The following SLC23A2 variants were observed in gnomAD, a reference collection of about 807,000 sequenced individuals.
The protein encoded by SLC23A2 is solute carrier family 23 member 2, also known as Na(+)/L-ascorbic acid transporter 2.
A neutral mutation model predicts 73.3 loss-of-function variants in SLC23A2; 36 were observed. That is an observed-to-expected ratio of 0.49 (90% CI 0.38 to 0.65). The LOEUF (loss-of-function observed/expected upper bound fraction) is 0.65. Ranked by LOEUF, SLC23A2 falls within the 30% of genes least tolerant of loss-of-function variation. The pLI is 0.00. For missense variants in SLC23A2, 507 were observed against 841.6 expected (o/e 0.60, Z 4.92); for synonymous variants, 343 against 327.3 (o/e 1.05, Z -0.52).
At chr20:4,993,658 A>G (rs1048746560) in intron 1 of SLC23A2, among the ~76,000 whole-genome samples, 6 of 152,206 alleles carry the variant, frequency 3.9e-5, no homozygotes, top group Non-Finnish European at 5.9e-5. Flanking sequence ...GAGACTTAAA[A>G]GAAGTGTCAT....
At position 4,857,284 on chromosome 20, in the gene SLC23A2, AC is replaced by A; in HGVS notation, c.1721-81del. On this transcript the variant is annotated intron_variant, in intron 16 of 16. Coordinates refer to ENST00000338244, the MANE Select transcript of SLC23A2 (RefSeq NM_005116.6). This position sits in a 1 kb window ranked among gnomAD's most constrained non-coding sequence, Gnocchi z 4.0. The stretch of plus-strand genomic sequence containing the variant: ...AAAATGAAACTGTCGTCAAACACAT[AC>A]ACACACACACACACACACACACACA... 2.9e-5 allele frequency: 1 copy of A among 34,490 alleles called. No individual in the cohort carries two copies. The highest frequency in any genetic ancestry group is 5.5e-5 in the Non-Finnish European group (1 of 18,064). The allele number at this position is 34,490 out of a possible 1,614,324, so 2.1% of individuals were successfully genotyped here.
rs1291627371 is a variant in SLC23A2 at position 4,947,257 on chromosome 20, AG to A, written c.-154-14542del. ...ACTTGGGGAAATCCCTGACTCGTTC[AG>A]GGAAATCTTGTGGCTGGGACGTGAA... is the stretch of plus-strand genomic sequence containing the variant. On this transcript the variant is annotated intron_variant, in intron 2 of 16. Transcript: ENST00000338244. This position sits in a 1 kb window ranked among gnomAD's most constrained non-coding sequence, Gnocchi z 4.4. 6.6e-6 allele frequency among the ~76,000 whole-genome samples: 1 copy of A among 152,228 alleles called. No homozygotes were observed. The highest frequency in any genetic ancestry group is 2.4e-5 in the African/African-American group (1 of 41,466).
chr20:4,975,989 G>T (rs557471577), intron 1 of SLC23A2, among the ~76,000 whole-genome samples: 13 of 151,814 alleles, frequency 8.6e-5, no homozygotes, highest in Admixed American at 2.0e-4. Flanking sequence ...GAGTAGCTGG[G>T]ATTACGGGCA....
chr20:4,933,210 C>T lies in SLC23A2; in HGVS notation c.-154-494G>A, dbSNP rs188505528. Among the ~76,000 whole-genome samples the T allele has an allele frequency of 7.1e-4, 107 of 150,592 alleles. 1 individual carries two copies. In the East Asian group the frequency reaches 0.018, roughly 25 times the overall value. The stretch of plus-strand genomic sequence containing the variant: ...CTTGTGGCTACTATACTGGGCAATG[C>T]GGATACAGCCAATTAATCATGATTA... On this transcript the variant is annotated intron_variant, in intron 2 of 16. Coordinates refer to ENST00000338244, the MANE Select transcript of SLC23A2 (RefSeq NM_005116.6).
chr20:4,967,284 TG>T (rs1398032832), intron 2 of SLC23A2, among the ~76,000 whole-genome samples: 14 of 152,220 alleles, frequency 9.2e-5, no homozygotes, highest in Non-Finnish European at 5.9e-5. Context: ...AATTTATTGA[TG>T]AGTTTTTTTT....
chr20:4,922,720 T>C (rs1932536524), intron 3 of SLC23A2, among the ~76,000 whole-genome samples: 1 of 151,946 alleles, frequency 6.6e-6, no homozygotes, highest in Non-Finnish European at 1.5e-5. Context: ...CCCAGCTAGC[T>C]ACTTGGGAGG....
intron 3 of SLC23A2, among the ~76,000 whole-genome samples, chr20:4,930,190 G>A (rs575069614): frequency 5.9e-5 from 9 of 152,244 alleles, no homozygotes; most frequent in African/African-American, 1.7e-4. Flanking sequence ...AAAGTGAAGG[G>A]AAGTGAGAGT....
intron 1 of SLC23A2, among the ~76,000 whole-genome samples, chr20:4,980,531 T>C (rs559583386): frequency 1.7e-4 from 26 of 151,980 alleles, no homozygotes; most frequent in African/African-American, 5.3e-4. Context: ...ACTTTCTTTT[T>C]CTTTTCTTTT....
At chr20:5,008,714 T>A (rs537421245) in intron 1 of SLC23A2, among the ~76,000 whole-genome samples, 67 of 152,024 alleles carry the variant, frequency 4.4e-4, no homozygotes, top group Admixed American at 9.2e-4. Context: ...CCTTTGGGTG[T>A]CCTCCATATT....
chr20:4,998,837 C>T lies in SLC23A2; in HGVS notation c.-282+2569G>A, dbSNP rs185954899. 1.1e-4 allele frequency among the ~76,000 whole-genome samples: 16 copies of T among 146,266 alleles called. 1 individual carries two copies. In the East Asian group the frequency reaches 3.2e-3, roughly 29 times the overall value. On this transcript the variant is annotated intron_variant, in intron 1 of 16. Coordinates refer to ENST00000338244, the MANE Select transcript of SLC23A2 (RefSeq NM_005116.6). The surrounding 1 kb of genome is among the most constrained non-coding windows in gnomAD (Gnocchi z 4.1). ...TTTTTTTTTTTAGGAGACAGTCTCA[C>T]TCTGTCACCCAGGCTGGAGTGCAGT...
rs373964078 is a variant in SLC23A2 at position 4,899,760 on chromosome 20, T to C, written c.325-48A>G. 9 of 1,566,484 alleles carry C rather than the reference T, an allele frequency of 5.7e-6. No homozygotes were observed. In the African/African-American group the frequency reaches 9.5e-5, roughly 16 times the overall value. ...AGGAGAAACAGTAAACCCTTCCTCA[T>C]TTATTCTTGATTTCATCCTAATTCT... On this transcript the variant is annotated intron_variant, in intron 5 of 16. Coordinates refer to ENST00000338244, the MANE Select transcript of SLC23A2 (RefSeq NM_005116.6). The surrounding 1 kb of genome is among the most constrained non-coding windows in gnomAD (Gnocchi z 4.9).
upstream of SLC23A2, among the ~76,000 whole-genome samples, chr20:5,003,377 C>G (rs1389240886): frequency 6.6e-6 from 1 of 152,124 alleles, no homozygotes; most frequent in Non-Finnish European, 1.5e-5. Flanking sequence ...GAGCAAGACT[C>G]CGTCTCAAAA....
chr20:4,858,497 C>A (rs1223760817), intron 16 of SLC23A2, among the ~76,000 whole-genome samples: 5 of 152,032 alleles, frequency 3.3e-5, no homozygotes, highest in Admixed American at 3.3e-4. Flanking sequence ...ATTCCTTCTG[C>A]CTTGGTTTCC....
chr20:5,009,966 G>A (rs373801918), intron 1 of SLC23A2, among the ~76,000 whole-genome samples: 2 of 151,980 alleles, frequency 1.3e-5, no homozygotes, highest in Non-Finnish European at 2.9e-5. Context: ...GTGGTTGCAG[G>A]CGCCTGTAGT....
intron 2 of SLC23A2, among the ~76,000 whole-genome samples, chr20:4,941,338 G>A (rs1487345479): frequency 6.6e-6 from 1 of 152,032 alleles, no homozygotes; most frequent in African/African-American, 2.4e-5. Context: ...AGATCAGCCT[G>A]GGCAACATAG....
rs975680122 is a variant in SLC23A2 at position 4,947,638 on chromosome 20, A to G, written c.-154-14922T>C. 2.0e-5 allele frequency among the ~76,000 whole-genome samples: 3 copies of G among 152,216 alleles called. No individual in the cohort carries two copies. The highest frequency in any genetic ancestry group is 7.2e-5 in the African/African-American group (3 of 41,458). On this transcript the variant is annotated intron_variant, in intron 2 of 16. Transcript: ENST00000338244. This position sits in a 1 kb window ranked among gnomAD's most constrained non-coding sequence, Gnocchi z 4.4. ...GGTTGTTATTCTCTCCATTTCACAG[A>G]TGAGAAACTGGAGCACAGAGAGGTT...
chr20:4,981,792 C>T (rs36107804), intron 1 of SLC23A2, among the ~76,000 whole-genome samples: 1 of 151,944 alleles, frequency 6.6e-6, no homozygotes, highest in Non-Finnish European at 1.5e-5. Context: ...ACCTCCACCC[C>T]CCAGGTTCAA....
intron 3 of SLC23A2, among the ~76,000 whole-genome samples, chr20:4,919,019 C>T (rs1932417024): frequency 6.6e-6 from 1 of 152,176 alleles, no homozygotes; most frequent in Non-Finnish European, 1.5e-5. Context: ...TGTTTCCCAG[C>T]CTTTACTGCA....
At chr20:4,955,399 C>A (rs1480562644) in intron 2 of SLC23A2, among the ~76,000 whole-genome samples, 1 of 127,998 alleles carries the variant, frequency 7.8e-6, no homozygotes, top group African/African-American at 2.8e-5. Flanking sequence ...ACACACACAC[C>A]CTAGAATAAG....
Sources: gnomAD v4.1 joint callset for allele counts (sites outside exome capture counted in the v4.1 genomes callset) on GRCh38, gnomAD v4.1.1 for gene constraint, Gnocchi (gnomAD v3.1) non-coding constraint, MANE v1.5 for transcripts, NCBI Gene and HGNC (gene_info 2026-07-23, HGNC 2026-07-21) for gene names.